Variants in STT3A observed in about 807,000 individuals in gnomAD.
The protein encoded by STT3A is dolichyl-diphosphooligosaccharide--protein glycosyltransferase subunit STT3A.
In STT3A, 34 loss-of-function variants were observed where a neutral mutation model predicts 89.2. That is an observed-to-expected ratio of 0.38 (90% CI 0.29 to 0.51). The LOEUF (loss-of-function observed/expected upper bound fraction) is 0.51. Among genes scored for constraint, STT3A ranks in the 20% least tolerant of loss-of-function variants. The pLI is 0.89. For missense variants in STT3A, 555 were observed against 889.5 expected, an observed-to-expected ratio of 0.62 and a Z score of 4.78; for synonymous variants, 282 against 310.3, an observed-to-expected ratio of 0.91 and a Z score of 0.96.
At chr11:125,607,812 A>T (rs758389953) in intron 8 of STT3A, among the ~76,000 whole-genome samples, 5 of 152,238 alleles carry the variant, frequency 3.3e-5, no homozygotes, top group Non-Finnish European at 7.3e-5. Context: ...ACCTTGAATG[A>T]TGAGAATTTT....
chr11:125,599,187 C>G (rs1336178168), intron 3 of STT3A, among the ~76,000 whole-genome samples: 1 of 152,180 alleles, frequency 6.6e-6, no homozygotes, highest in Admixed American at 6.5e-5. Context: ...ATACTGATGT[C>G]TGCAACCCTC....
intron 3 of STT3A, 117 bp downstream of exon 3, chr11:125,597,236 AGGG>A: frequency 9.3e-7 from 1 of 1,074,760 alleles, no homozygotes; most frequent in African/African-American, 1.6e-5. Context: ...AGTACATTTA[AGGG>A]AAAAAAAAAC....
intron 3 of STT3A, among the ~76,000 whole-genome samples, chr11:125,598,789 G>A (rs1422224812): frequency 6.6e-6 from 1 of 152,016 alleles, no homozygotes; most frequent in Non-Finnish European, 1.5e-5. Flanking sequence ...AAAATTTTTT[G>A]TAGAGATGGA....
Position 125,614,555 on chromosome 11 carries a change from A to G in STT3A, c.1774+129A>G. 1.1e-6 allele frequency: 1 copy of G among 897,276 alleles called. No individual in the cohort carries two copies. Among genetic ancestry groups the G allele is most frequent in the East Asian group, 2.6e-5 (1 of 37,970 alleles). 55.6% of individuals were successfully genotyped at this position (897,276 alleles called of 1,614,324 possible). A position where few individuals can be genotyped will look rare whatever the true frequency, so the allele number is the denominator to read the frequency against. On this transcript the variant is annotated intron_variant, in intron 15 of 17. Transcript: ENST00000392708. This position sits in a 1 kb window ranked among gnomAD's most constrained non-coding sequence, Gnocchi z 4.9. ...TTTCTTTCATGGGAAGTTCCTAAGTATTTGCAACTTGAGGTTTGGGTATTT... is the reference window on the plus strand; with the variant it reads ...TTTCTTTCATGGGAAGTTCCTAAGTGTTTGCAACTTGAGGTTTGGGTATTT...
chr11:125,604,083 T>C, intron 5 of STT3A, 74 bp from the exon 6 acceptor site: 1 of 1,464,720 alleles, frequency 6.8e-7, no homozygotes, highest in Non-Finnish European at 9.5e-7. Context: ...ATAAACAGAA[T>C]GGACTAGTGG....
chr11:125,596,379 C>T (rs145949837), intron 2 of STT3A, among the ~76,000 whole-genome samples: 2,503 of 152,232 alleles, frequency 0.016, 23 homozygotes, highest in South Asian at 0.036. Flanking sequence ...GCACGAGAAT[C>T]GCTCGAACCT....
chr11:125,605,808 G>T, intron 7 of STT3A, 73 bp downstream of exon 7: 2 of 1,326,024 alleles, frequency 1.5e-6, no homozygotes, highest in South Asian at 2.7e-5. Context: ...CTTATTGTTT[G>T]ACCAACTTTC....
intron 16 of STT3A, among the ~76,000 whole-genome samples, chr11:125,619,749 G>A (rs1489936357): frequency 1.3e-5 from 2 of 152,142 alleles, no homozygotes; most frequent in African/African-American, 4.8e-5. Context: ...CAGGAATAGA[G>A]GGCCTTGGAA....
At chr11:125,594,812 A>T (rs1055825774) in intron 1 of STT3A, 7 of 152,094 alleles carry the variant, frequency 4.6e-5, no homozygotes, top group African/African-American at 1.4e-4. Context: ...TTATCATCTG[A>T]TGCCATCAAA....
upstream of STT3A, chr11:125,592,626 T>G: frequency 2.6e-6 from 1 of 391,402 alleles, no homozygotes; most frequent in East Asian, 7.2e-5. Flanking sequence ...TTCCGCGCTC[T>G]TGACTCCTAC....
At chr11:125,616,553 A>G (rs1940186448) in intron 15 of STT3A, among the ~76,000 whole-genome samples, 1 of 152,270 alleles carries the variant, frequency 6.6e-6, no homozygotes, top group Non-Finnish European at 1.5e-5. Flanking sequence ...CTTTACTAAT[A>G]GGAGTTCTGT....
intron 12 of STT3A, 84 bp from the exon 13 acceptor site, chr11:125,612,902 ATCT>A (rs1940069160): frequency 8.5e-6 from 13 of 1,529,240 alleles, no homozygotes; most frequent in Non-Finnish European, 1.1e-5. Context: ...GATCAATCTC[ATCT>A]ATATGAATGT....
chr11:125,611,616 C>T, intron 11 of STT3A, 97 bp downstream of exon 11: 1 of 1,114,118 alleles, frequency 9.0e-7, no homozygotes, highest in Non-Finnish European at 1.3e-6. Flanking sequence ...TGATTGTGCA[C>T]ATGCTTCCCT....
intron 3 of STT3A, among the ~76,000 whole-genome samples, chr11:125,600,461 A>C (rs1939639041): frequency 6.6e-6 from 1 of 152,100 alleles, no homozygotes; most frequent in Admixed American, 6.6e-5. Context: ...CCCTGGGCTC[A>C]GGTGATCCTC....
chr11:125,620,869 G>GTTTTTT lies in STT3A; in HGVS notation c.*59_*60insTTTTTT. 4 of 841,892 alleles carry GTTTTTT rather than the reference G, an allele frequency of 4.8e-6. No individual in the cohort carries two copies. The highest frequency in any genetic ancestry group is 6.8e-6 in the Non-Finnish European group (4 of 590,128). 52.2% of individuals were successfully genotyped at this position (841,892 alleles called of 1,614,324 possible). A position where few individuals can be genotyped will look rare whatever the true frequency, so the allele number is the denominator to read the frequency against. Reference sequence around the variant, plus strand: ...AGCACATCACATTTAGGACGTTGAAGATTTTTTTTTTTTTTTTTTTTTAAT... The same window carrying GTTTTTT: ...AGCACATCACATTTAGGACGTTGAAGTTTTTTATTTTTTTTTTTTTTTTTTTTTAAT... On this transcript the variant is annotated 3_prime_UTR_variant, in exon 18 of 18. Transcript: ENST00000392708.
chr11:125,595,780 C>T, intron 1 of STT3A, 101 bp from the exon 2 acceptor site: 1 of 639,492 alleles, frequency 1.6e-6, no homozygotes, highest in African/African-American at 1.8e-5. Context: ...GGTGTTTTTG[C>T]TAGCTCCTAC....
chr11:125,592,439 G>A (rs891300818), upstream of STT3A: 7 of 456,196 alleles, frequency 1.5e-5, no homozygotes, highest in Admixed American at 9.4e-5. Flanking sequence ...CGGGAGACGA[G>A]CGGCTCCGCA....
At chr11:125,619,743 A>C (rs1291257043) in intron 16 of STT3A, among the ~76,000 whole-genome samples, 1 of 152,136 alleles carries the variant, frequency 6.6e-6, no homozygotes, top group African/African-American at 2.4e-5. Context: ...AATCCTCAGG[A>C]ATAGAGGGCC....
At chr11:125,616,104 G>T (rs1940172896) in intron 15 of STT3A, among the ~76,000 whole-genome samples, 1 of 152,180 alleles carries the variant, frequency 6.6e-6, no homozygotes, top group Non-Finnish European at 1.5e-5. Flanking sequence ...ACATGTATGT[G>T]AAGATCATAA....
Sources: gnomAD v4.1 joint callset for allele counts (sites outside exome capture counted in the v4.1 genomes callset) on GRCh38, gnomAD v4.1.1 for gene constraint, Gnocchi (gnomAD v3.1) non-coding constraint, MANE v1.5 for transcripts, NCBI Gene and HGNC (gene_info 2026-07-23, HGNC 2026-07-21) for gene names.